Variants in PIBF1 observed in about 807,000 individuals in gnomAD.
PIBF1 encodes progesterone-induced-blocking factor 1.
A neutral mutation model predicts 112.5 loss-of-function variants in PIBF1; 90 were observed. The observed-to-expected ratio is 0.80, with a 90% CI of 0.67 to 0.95. The LOEUF (loss-of-function observed/expected upper bound fraction) is 0.95. Ranked by LOEUF, PIBF1 falls within the 40% of genes least tolerant of loss-of-function variation. PIBF1 has a pLI of 0.00. For missense variants in PIBF1, 915 were observed against 852.3 expected, an observed-to-expected ratio of 1.07 and a Z score of -0.92; for synonymous variants, 301 against 288.6, an observed-to-expected ratio of 1.04 and a Z score of -0.44.
chr13:72,998,585 G>A (rs2043756085), intron 16 of PIBF1, among the ~76,000 whole-genome samples: 1 of 152,162 alleles, frequency 6.6e-6, no homozygotes, highest in Admixed American at 6.5e-5. Context: ...GGTGATTTCA[G>A]TGTGCAGAAA....
At chr13:72,792,224 A>C (rs1315244779) in intron 2 of PIBF1, among the ~76,000 whole-genome samples, 2 of 152,094 alleles carry the variant, frequency 1.3e-5, no homozygotes, top group Non-Finnish European at 2.9e-5. Context: ...TGAACCTGGC[A>C]GGAGGAGGTG....
intron 6 of PIBF1, among the ~76,000 whole-genome samples, chr13:72,823,861 C>G (rs1011694478): frequency 6.6e-5 from 10 of 151,948 alleles, no homozygotes; most frequent in Non-Finnish European, 1.5e-4. Context: ...TCTAAGAAGT[C>G]TTGATCTCTT....
At chr13:72,953,126 A>G (rs903585835) in intron 14 of PIBF1, among the ~76,000 whole-genome samples, 1 of 152,110 alleles carries the variant, frequency 6.6e-6, no homozygotes, top group Non-Finnish European at 1.5e-5. Flanking sequence ...TTCCAGGCCA[A>G]CAGGAAAGTA....
chr13:72,874,624 G>T (rs908821832), intron 10 of PIBF1, among the ~76,000 whole-genome samples: 3 of 152,138 alleles, frequency 2.0e-5, no homozygotes, highest in Non-Finnish European at 4.4e-5. Flanking sequence ...TTTTGGGAGT[G>T]ATGGGAATGA....
intron 16 of PIBF1, among the ~76,000 whole-genome samples, chr13:72,984,077 T>A (rs752536867): frequency 6.6e-6 from 1 of 152,156 alleles, no homozygotes. Context: ...TATAAAGTTT[T>A]AGAAAGATTT....
At chr13:72,946,174 C>T (rs983343231) in intron 14 of PIBF1, among the ~76,000 whole-genome samples, 4 of 152,084 alleles carry the variant, frequency 2.6e-5, no homozygotes, top group Non-Finnish European at 5.9e-5. Context: ...CCTCAGGAAA[C>T]TTACAGTCAT....
intron 2 of PIBF1, among the ~76,000 whole-genome samples, chr13:72,789,334 A>G (rs1352227991): frequency 1.3e-5 from 2 of 151,972 alleles, no homozygotes; most frequent in Non-Finnish European, 2.9e-5. Context: ...ACAGGCGTGT[A>G]CCACCACACC....
At chr13:72,856,547 G>C (rs1399291904) in intron 10 of PIBF1, among the ~76,000 whole-genome samples, 3 of 152,140 alleles carry the variant, frequency 2.0e-5, no homozygotes, top group African/African-American at 7.2e-5. Context: ...TAATGCTCAG[G>C]ACTGTAAAGG....
intron 10 of PIBF1, among the ~76,000 whole-genome samples, chr13:72,884,238 C>T (rs1339357344): frequency 6.6e-6 from 1 of 152,138 alleles, no homozygotes; most frequent in Non-Finnish European, 1.5e-5. Context: ...TCCTTTCCTT[C>T]GTATTGGTCT....
At chr13:73,010,929 C>T (rs568373138) in intron 17 of PIBF1, among the ~76,000 whole-genome samples, 7 of 143,616 alleles carry the variant, frequency 4.9e-5, no homozygotes, top group African/African-American at 7.6e-5. Flanking sequence ...CAGGTTCAAG[C>T]GATTCTCCTG....
At chr13:72,948,773 T>C (rs1196038104) in intron 14 of PIBF1, among the ~76,000 whole-genome samples, 1 of 152,188 alleles carries the variant, frequency 6.6e-6, no homozygotes, top group Non-Finnish European at 1.5e-5. Flanking sequence ...CATGTCTTTC[T>C]TCACATGGCG....
At chr13:72,858,026 TGTG>T (rs2038512331) in intron 10 of PIBF1, among the ~76,000 whole-genome samples, 160 of 1,856 alleles carry the variant, frequency 0.086, 1 homozygote, top group East Asian at 0.19. Flanking sequence ...ATGTACATTG[TGTG>T]TGTGTGTGTG....
intron 10 of PIBF1, among the ~76,000 whole-genome samples, chr13:72,872,522 A>G (rs1293731267): frequency 6.6e-6 from 1 of 152,168 alleles, no homozygotes; most frequent in Non-Finnish European, 1.5e-5. Context: ...GAATGCTGAA[A>G]CCTGTAGTAA....
At chr13:72,861,497 C>A (rs1316013464) in intron 10 of PIBF1, among the ~76,000 whole-genome samples, 1 of 152,060 alleles carries the variant, frequency 6.6e-6, no homozygotes, top group East Asian at 1.9e-4. Flanking sequence ...ATTTTTATGT[C>A]ATATTGGGCT....
At chr13:72,948,280 A>G (rs2042203061) in intron 14 of PIBF1, among the ~76,000 whole-genome samples, 1 of 152,182 alleles carries the variant, frequency 6.6e-6, no homozygotes, top group Admixed American at 6.6e-5. Context: ...ATCTCTCTCA[A>G]GTTCAAAGTT....
At chr13:73,003,419 A>AT (rs2043936666) in intron 17 of PIBF1, among the ~76,000 whole-genome samples, 1 of 151,664 alleles carries the variant, frequency 6.6e-6, no homozygotes, top group African/African-American at 2.4e-5. Flanking sequence ...TGCCCCGCTA[A>AT]TTTTTTGTAT....
At chr13:72,904,461 G>T (rs1329619740) in intron 11 of PIBF1, among the ~76,000 whole-genome samples, 1 of 23,186 alleles carries the variant, frequency 4.3e-5, no homozygotes, top group African/African-American at 2.6e-4. Flanking sequence ...TTTTTTTTGA[G>T]GAGGAGTCCT....
intron 5 of PIBF1, among the ~76,000 whole-genome samples, chr13:72,811,681 CAT>C (rs1262564187): frequency 4.0e-5 from 6 of 151,670 alleles, no homozygotes; most frequent in African/African-American, 1.5e-4. Flanking sequence ...ATATATTTAA[CAT>C]ATTCAAGAAT....
intron 13 of PIBF1, among the ~76,000 whole-genome samples, chr13:72,924,235 T>A (rs1247356324): frequency 6.6e-6 from 1 of 151,998 alleles, no homozygotes; most frequent in East Asian, 1.9e-4. Context: ...CTAAGACATT[T>A]GCCTTCTTCT....
Sources: gnomAD v4.1 joint callset for allele counts (sites outside exome capture counted in the v4.1 genomes callset) on GRCh38, gnomAD v4.1.1 for gene constraint, MANE v1.5 for transcripts, NCBI Gene and HGNC (gene_info 2026-07-23, HGNC 2026-07-21) for gene names.